The following KCNU1 variants were observed in gnomAD, a reference collection of about 807,000 sequenced individuals.
KCNU1 encodes potassium channel subfamily U member 1.
In KCNU1, 93 loss-of-function variants were observed where a neutral mutation model predicts 126.8. The observed-to-expected ratio is 0.73, with a 90% confidence interval of 0.62 to 0.87. The LOEUF (loss-of-function observed/expected upper bound fraction) is 0.87, where lower values mean the gene tolerates loss of function less well. Ranked by LOEUF, KCNU1 falls within the 40% of genes least tolerant of loss-of-function variation. The pLI, the probability that KCNU1 is intolerant of heterozygous loss-of-function variation, is 0.00. For synonymous variants in KCNU1, 523 were observed against 494.2 expected (o/e 1.06, Z -0.77); for missense variants, 1,330 against 1,367.1 (o/e 0.97, Z 0.43).
intron 14 of KCNU1, among the ~76,000 whole-genome samples, chr8:36,840,108 A>T (rs1174261097): frequency 1.3e-5 from 2 of 152,326 alleles, no homozygotes; most frequent in African/African-American, 4.8e-5. Context: ...ATCCAGAGAG[A>T]GATAATTTAG....
chr8:36,932,045 T>G (rs1808717613), intron 25 of KCNU1, among the ~76,000 whole-genome samples: 1 of 152,074 alleles, frequency 6.6e-6, no homozygotes, highest in African/African-American at 2.4e-5. Flanking sequence ...CATCTCTTGT[T>G]GATTCAGAGG....
chr8:36,900,172 G>T (rs1488212419), intron 19 of KCNU1, among the ~76,000 whole-genome samples: 1 of 152,122 alleles, frequency 6.6e-6, no homozygotes, highest in Non-Finnish European at 1.5e-5. Flanking sequence ...ACAGAGCCTG[G>T]TGCCTATTTC....
chr8:36,787,235 C>T, intron 1 of KCNU1, 71 bp from the exon 2 acceptor site: 11 of 1,377,478 alleles, frequency 8.0e-6, no homozygotes, highest in Non-Finnish European at 1.1e-5. Flanking sequence ...GAGGCTCCAT[C>T]AACGTAAGTA....
chr8:36,784,688 T>G (rs752297299), intron 1 of KCNU1, 83 bp downstream of exon 1: 1 of 1,075,482 alleles, frequency 9.3e-7, no homozygotes. Context: ...AGATCTAAGC[T>G]TCATTCAGTT....
At chr8:36,874,360 G>A (rs973608735) in intron 19 of KCNU1, among the ~76,000 whole-genome samples, 10 of 152,196 alleles carry the variant, frequency 6.6e-5, no homozygotes, top group Non-Finnish European at 1.2e-4. Context: ...TTATTATATA[G>A]AATTCTGTGG....
At chr8:36,816,644 AC>A (rs147745870) in intron 9 of KCNU1, among the ~76,000 whole-genome samples, 40,722 of 151,962 alleles carry the variant, frequency 0.27, 5,938 homozygotes, top group African/African-American at 0.37. Context: ...AGGTCTGGGA[AC>A]TTTAATGTTA....
chr8:36,787,207 C>T (rs933380838), intron 1 of KCNU1, 99 bp from the exon 2 acceptor site: 5 of 1,074,474 alleles, frequency 4.7e-6, no homozygotes, highest in Middle Eastern at 2.2e-4. Flanking sequence ...GAGTGATTTT[C>T]GACTGATACC....
At chr8:36,877,864 C>G (rs1190202716) in intron 19 of KCNU1, among the ~76,000 whole-genome samples, 1 of 152,148 alleles carries the variant, frequency 6.6e-6, no homozygotes, top group South Asian at 2.1e-4. Context: ...CTCAAAAGCC[C>G]TCTAAACTCG....
intron 10 of KCNU1, among the ~76,000 whole-genome samples, chr8:36,827,415 C>T (rs1308174477): frequency 5.3e-5 from 8 of 152,250 alleles, no homozygotes; most frequent in Admixed American, 1.3e-4. Context: ...TGTGTGACCA[C>T]GAAATGTTAT....
intron 20 of KCNU1, 51 bp downstream of exon 20, chr8:36,905,855 G>A (rs1478303791): frequency 8.3e-6 from 7 of 845,102 alleles, no homozygotes; most frequent in Non-Finnish European, 1.1e-5. Flanking sequence ...CATTTCGTAG[G>A]GTAAGTGATG....
At chr8:36,842,103 G>T (rs1443576492) in intron 16 of KCNU1, among the ~76,000 whole-genome samples, 1 of 152,138 alleles carries the variant, frequency 6.6e-6, no homozygotes, top group East Asian at 1.9e-4. Flanking sequence ...ACTAGATTCT[G>T]ATCCTGACTG....
chr8:36,837,073 C>T lies in KCNU1; in HGVS notation c.1518+128C>T, dbSNP rs1170393022. On this transcript the variant is annotated intron_variant, in intron 14 of 26. Transcript: ENST00000399881. Reference sequence around the variant, plus strand: ...CAATGAGATATGACTTCTGCTTGAGCTGGGAAGGGATTAGAAGATCTGAAT... The same window carrying T: ...CAATGAGATATGACTTCTGCTTGAGTTGGGAAGGGATTAGAAGATCTGAAT... 4 of 824,796 alleles carry T rather than the reference C, an allele frequency of 4.8e-6. No individual in the cohort carries two copies. In the East Asian group the frequency reaches 9.8e-5, roughly 20 times the overall value. 51.1% of individuals were successfully genotyped at this position (824,796 alleles called of 1,614,324 possible).
At chr8:36,812,097 G>T (rs1038924730) in intron 7 of KCNU1, among the ~76,000 whole-genome samples, 7 of 151,144 alleles carry the variant, frequency 4.6e-5, no homozygotes, top group African/African-American at 1.7e-4. Context: ...CTGATATTTT[G>T]GTCAGGCCCC....
chr8:36,868,733 G>A (rs1292012908), intron 19 of KCNU1, among the ~76,000 whole-genome samples: 1 of 152,102 alleles, frequency 6.6e-6, no homozygotes, highest in Non-Finnish European at 1.5e-5. Context: ...TTAATAGATG[G>A]TAGTTAAATA....
At chr8:36,928,318 T>C (rs1808594053) in intron 24 of KCNU1, among the ~76,000 whole-genome samples, 1 of 152,122 alleles carries the variant, frequency 6.6e-6, no homozygotes, top group African/African-American at 2.4e-5. Context: ...CTTTAATCAG[T>C]GGAGAATTAT....
At chr8:36,884,967 A>G (rs1026090286) in intron 19 of KCNU1, among the ~76,000 whole-genome samples, 15 of 152,196 alleles carry the variant, frequency 9.9e-5, no homozygotes, top group African/African-American at 2.9e-4. Flanking sequence ...TTCTTGGCCC[A>G]TCAGTGAAAC....
chr8:36,823,170 G>A (rs1057230080), intron 10 of KCNU1, among the ~76,000 whole-genome samples: 3 of 152,146 alleles, frequency 2.0e-5, no homozygotes, highest in African/African-American at 7.2e-5. Flanking sequence ...TTAGATTGGT[G>A]CAAAAGTAAT....
intron 19 of KCNU1, among the ~76,000 whole-genome samples, chr8:36,878,799 A>G (rs994328765): frequency 1.3e-5 from 2 of 148,488 alleles, no homozygotes; most frequent in African/African-American, 4.9e-5. Flanking sequence ...ATACATATAT[A>G]TCTGCCCTAA....
intron 24 of KCNU1, among the ~76,000 whole-genome samples, chr8:36,926,481 C>G (rs1585576708): frequency 6.6e-6 from 1 of 152,032 alleles, no homozygotes; most frequent in Non-Finnish European, 1.5e-5. Flanking sequence ...ATTAGAGGCG[C>G]CTGCATAAGA....
Sources: allele counts gnomAD v4.1 joint callset (sites outside exome capture counted in the v4.1 genomes callset), GRCh38; gene constraint gnomAD v4.1.1; transcripts MANE v1.5; gene names NCBI Gene and HGNC (gene_info 2026-07-23, HGNC 2026-07-21).